PDK1: variants seen among roughly 807,000 people sequenced by gnomAD.
The protein encoded by PDK1 is pyruvate dehydrogenase kinase 1.
PDK1 carries 39 observed loss-of-function variants against 54.2 expected under a neutral mutation model. The ratio of observed to expected loss-of-function variants is 0.72; its 90% CI spans 0.56 to 0.94. PDK1 has a LOEUF of 0.94. Among genes scored for constraint, PDK1 ranks in the 40% least tolerant of loss-of-function variants. The pLI is 0.00. For missense variants in PDK1, 552 were observed against 566.0 expected (o/e 0.98, Z 0.25); for synonymous variants, 221 against 207.1 (o/e 1.07, Z -0.58).
chr2:172,583,169 C>A (rs1162144045), intron 8 of PDK1, among the ~76,000 whole-genome samples: 1 of 147,250 alleles, frequency 6.8e-6, no homozygotes, highest in Non-Finnish European at 1.5e-5. Flanking sequence ...GAGTAATTAA[C>A]AAATTGATGG....
At chr2:172,635,604 C>G in the PDK1 span, among the ~76,000 whole-genome samples, 1 of 152,178 alleles carries the variant, frequency 6.6e-6, no homozygotes, top group Non-Finnish European at 1.5e-5. Context: ...GTGTGAGCCA[C>G]CGCACCCTGT....
At chr2:172,681,026 G>A in the PDK1 span, among the ~76,000 whole-genome samples, 1 of 152,204 alleles carries the variant, frequency 6.6e-6, no homozygotes, top group Non-Finnish European at 1.5e-5. Context: ...CTGGCAACAG[G>A]CTTAGTACAT....
chr2:172,696,109 T>A, the PDK1 span, among the ~76,000 whole-genome samples: 2 of 149,646 alleles, frequency 1.3e-5, no homozygotes, highest in Admixed American at 6.7e-5. Context: ...GGAGCAGAGG[T>A]TGCAGTGAGC....
chr2:172,611,210 C>T (rs898499118), downstream of PDK1, among the ~76,000 whole-genome samples: 52 of 152,148 alleles, frequency 3.4e-4, no homozygotes, highest in Admixed American at 5.2e-4. Context: ...ACTTTGCATT[C>T]TATCAACTTC....
Position 172,556,258 on chromosome 2 carries a change from G to A in PDK1, c.108G>A (p.Pro36=), listed in dbSNP as rs1213018464. 3 of 1,479,586 alleles carry A rather than the reference G, an allele frequency of 2.0e-6. No individual in the cohort carries two copies. The highest frequency in any genetic ancestry group is 1.5e-5 in the African/African-American group (1 of 67,912). The allele number at this position is 1,479,586 out of a possible 1,614,324, so 91.7% of individuals were successfully genotyped here. A position where few individuals can be genotyped will look rare whatever the true frequency, so the allele number is the denominator to read the frequency against. The change falls in exon 1 of 11, where the codon CCG becomes CCA. Residue 36 remains proline, a synonymous_variant. Transcript: ENST00000282077. ...RSFSSDSGSS[P]ASERGVPGQV... ...TCAGCTCGGACTCGGGCTCCAGCCCGGCGTCCGAGCGCGGCGTTCCGGGCC... is the reference window on the plus strand; with the variant it reads ...TCAGCTCGGACTCGGGCTCCAGCCCAGCGTCCGAGCGCGGCGTTCCGGGCC...
the PDK1 span, among the ~76,000 whole-genome samples, chr2:172,634,262 A>ATATTATTATTATTATTATTGTTAT: frequency 1.4e-5 from 2 of 139,464 alleles, no homozygotes; most frequent in Non-Finnish European, 3.1e-5. Flanking sequence ...AAATCTATTT[A>ATATTATTATTATTATTATTGTTAT]TATTATTATT....
the PDK1 span, among the ~76,000 whole-genome samples, chr2:172,721,932 G>C: frequency 6.0e-4 from 92 of 152,326 alleles, 1 homozygote; most frequent in African/African-American, 2.2e-3. Flanking sequence ...TTCTATAGTA[G>C]AATGCCATTG....
chr2:172,616,068 T>G, the PDK1 span, among the ~76,000 whole-genome samples: 10 of 152,170 alleles, frequency 6.6e-5, no homozygotes, highest in Admixed American at 6.5e-4. Flanking sequence ...CACATTGAGG[T>G]TCTATTTTAT....
the PDK1 span, among the ~76,000 whole-genome samples, chr2:172,704,695 T>C: frequency 6.6e-6 from 1 of 152,112 alleles, no homozygotes; most frequent in Non-Finnish European, 1.5e-5. Flanking sequence ...ACCCACCTGA[T>C]AAGGTATGGG....
At chr2:172,633,246 C>T in the PDK1 span, among the ~76,000 whole-genome samples, 3 of 151,628 alleles carry the variant, frequency 2.0e-5, no homozygotes, top group Admixed American at 6.6e-5. Context: ...TAGGGTCTCA[C>T]TATGTTGTCC....
the PDK1 span, among the ~76,000 whole-genome samples, chr2:172,627,264 CA>C: frequency 6.6e-6 from 1 of 152,232 alleles, no homozygotes; most frequent in Non-Finnish European, 1.5e-5. Flanking sequence ...ATTCAACATT[CA>C]GACATTATCT....
chr2:172,654,138 T>A, the PDK1 span, among the ~76,000 whole-genome samples: 1 of 152,104 alleles, frequency 6.6e-6, no homozygotes, highest in African/African-American at 2.4e-5. Context: ...GGAGAGGGTG[T>A]GGAGAAATAG....
At chr2:172,691,452 C>T in the PDK1 span, 1 of 136,966 alleles carries the variant, frequency 7.3e-6, no homozygotes, top group Non-Finnish European at 1.6e-5. Flanking sequence ...TTAGAGTTCC[C>T]GTTGGTTTTG....
At chr2:172,638,403 G>C in the PDK1 span, among the ~76,000 whole-genome samples, 2 of 152,192 alleles carry the variant, frequency 1.3e-5, no homozygotes, top group African/African-American at 4.8e-5. Context: ...TATGAAGTCA[G>C]TGGGAGGAAG....
chr2:172,583,281 GTTTTTTTTTTTTT>G (rs1175087926), intron 8 of PDK1, among the ~76,000 whole-genome samples: 21 of 77,076 alleles, frequency 2.7e-4, no homozygotes, highest in African/African-American at 8.1e-4. Flanking sequence ...AAGTTTTCTG[GTTTTTTTTTTTTT>G]TTTTTTTTTT....
chr2:172,690,651 C>T, the PDK1 span, among the ~76,000 whole-genome samples: 1 of 150,218 alleles, frequency 6.7e-6, no homozygotes, highest in African/African-American at 2.4e-5. Context: ...CACATATACA[C>T]CATGGAATAC....
chr2:172,719,111 A>G, the PDK1 span, among the ~76,000 whole-genome samples: 8 of 152,282 alleles, frequency 5.3e-5, no homozygotes, highest in Non-Finnish European at 1.0e-4. Flanking sequence ...ATTTAGCATA[A>G]TACATTAGAG....
the PDK1 span, among the ~76,000 whole-genome samples, chr2:172,681,371 G>T: frequency 4.1e-4 from 62 of 152,234 alleles, no homozygotes; most frequent in Non-Finnish European, 7.5e-4. Flanking sequence ...TTGCAGTGGG[G>T]ATAGACTTGT....
intron 8 of PDK1, among the ~76,000 whole-genome samples, chr2:172,584,837 T>TG (rs1690125638): frequency 6.7e-6 from 1 of 148,266 alleles, no homozygotes; most frequent in Non-Finnish European, 1.5e-5. Flanking sequence ...AAAGTTTTTT[T>TG]TTTTTTTTTT....
Sources: gnomAD v4.1 joint callset for allele counts (sites outside exome capture counted in the v4.1 genomes callset) on GRCh38, gnomAD v4.1.1 for gene constraint, MANE v1.5 for transcripts, NCBI Gene and HGNC (gene_info 2026-07-23, HGNC 2026-07-21) for gene names.